The following PDE4D variants were observed in gnomAD, a reference collection of about 807,000 sequenced individuals.
The protein encoded by PDE4D is phosphodiesterase 4D.
A neutral mutation model predicts 87.4 loss-of-function variants in PDE4D; 24 were observed. The ratio of observed to expected loss-of-function variants is 0.27; its 90% confidence interval spans 0.20 to 0.39. The LOEUF (loss-of-function observed/expected upper bound fraction) is 0.39. Ranked by LOEUF, PDE4D falls within the 10% of genes least tolerant of loss-of-function variation. PDE4D has a pLI of 1.00. For missense variants in PDE4D, 714 were observed against 1,041.0 expected, an observed-to-expected ratio of 0.69 and a Z score of 4.32; for synonymous variants, 384 against 383.2, an observed-to-expected ratio of 1.00 and a Z score of -0.02.
intron 1 of PDE4D, among the ~76,000 whole-genome samples, chr5:59,752,479 G>A (rs1760614502): frequency 6.6e-6 from 1 of 152,116 alleles, no homozygotes; most frequent in South Asian, 2.1e-4. Context: ...GAACCTCTTT[G>A]TATATCACAA....
intron 1 of PDE4D, among the ~76,000 whole-genome samples, chr5:60,256,389 C>A (rs1281319894): frequency 2.6e-5 from 4 of 151,752 alleles, no homozygotes; most frequent in African/African-American, 9.7e-5. Context: ...GATTAAGGGA[C>A]AAACAAAAAA....
Position 59,356,961 on chromosome 5 carries a change from T to G in PDE4D, c.456-140993A>C, listed in dbSNP as rs1781480656. The G allele has an allele frequency of 6.8e-6, 9 of 1,326,774 alleles. No homozygotes were observed. The South Asian group carries it at 1.5e-4, about 22-fold the overall frequency. 82.2% of individuals were successfully genotyped at this position (1,326,774 alleles called of 1,614,324 possible). On this transcript the variant is annotated intron_variant, in intron 1 of 14. Transcript: ENST00000340635. ...AGGCACTTGTAGCTGAGTGAGGGCA[T>G]TTCCTTTGTGCAGTGGTATGCGCTG...
intron 6 of PDE4D, among the ~76,000 whole-genome samples, chr5:59,013,485 C>T (rs1186750520): frequency 6.6e-6 from 1 of 151,012 alleles, no homozygotes; most frequent in African/African-American, 2.4e-5. Context: ...ACCAATCCCC[C>T]AGAGATACAA....
intron 1 of PDE4D, among the ~76,000 whole-genome samples, chr5:60,201,592 G>A (rs983043467): frequency 1.3e-5 from 2 of 151,984 alleles, no homozygotes; most frequent in African/African-American, 2.4e-5. Flanking sequence ...GAGTAAATAG[G>A]ATCATGAGTC....
chr5:60,034,987 G>A lies in PDE4D; in HGVS notation c.43-46270C>T, dbSNP rs540438573. Among the ~76,000 whole-genome samples the A allele has an allele frequency of 2.6e-5, 4 of 152,294 alleles. No individual in the cohort carries two copies. In the South Asian group the frequency reaches 8.3e-4, roughly 32 times the overall value. On this transcript the variant is annotated intron_variant, in intron 2 of 16. Coordinates refer to the PDE4D transcript ENST00000502484. ...AAATGTGCATGCAGCAGGGTGCGGT[G>A]GCTCACACCTGTAATCCCAGCACTT...
chr5:59,037,931 T>C (rs554509375), intron 6 of PDE4D, among the ~76,000 whole-genome samples: 1 of 152,146 alleles, frequency 6.6e-6, no homozygotes, highest in East Asian at 1.9e-4. Context: ...TGGCCAAAAA[T>C]ACTTAAATAT....
intron 1 of PDE4D, among the ~76,000 whole-genome samples, chr5:59,553,903 T>C (rs1818493108): frequency 6.6e-6 from 1 of 152,202 alleles, no homozygotes; most frequent in Admixed American, 6.6e-5. Context: ...CTCTCCGTCA[T>C]TAACCAGGAG....
chr5:60,046,457 G>A (rs1209299196), intron 2 of PDE4D, among the ~76,000 whole-genome samples: 1 of 152,160 alleles, frequency 6.6e-6, no homozygotes, highest in African/African-American at 2.4e-5. Flanking sequence ...TTTTCAAAGG[G>A]AATGCTTCCA....
chr5:59,852,486 A>G (rs1360353748), intron 1 of PDE4D, among the ~76,000 whole-genome samples: 1 of 152,034 alleles, frequency 6.6e-6, no homozygotes, highest in East Asian at 1.9e-4. Flanking sequence ...TCTCCCCCCA[A>G]CAGCAGGCAC....
chr5:59,024,390 G>A (rs1755829293), intron 6 of PDE4D, among the ~76,000 whole-genome samples: 1 of 151,188 alleles, frequency 6.6e-6, no homozygotes, highest in Admixed American at 6.6e-5. Flanking sequence ...AGGAGAGACG[G>A]GATTTCACCA....
intron 1 of PDE4D, among the ~76,000 whole-genome samples, chr5:59,498,119 A>G (rs1807558723): frequency 6.6e-6 from 1 of 151,890 alleles, no homozygotes; most frequent in Non-Finnish European, 1.5e-5. Flanking sequence ...CAGATAAGCA[A>G]TTGCTAAAAG....
chr5:59,410,840 T>C (rs1361544458), intron 1 of PDE4D, among the ~76,000 whole-genome samples: 1 of 152,200 alleles, frequency 6.6e-6, no homozygotes, highest in Non-Finnish European at 1.5e-5. Flanking sequence ...ACAATTTTTA[T>C]AGAAAAACAA....
chr5:59,044,408 T>G (rs996646781), intron 5 of PDE4D, among the ~76,000 whole-genome samples: 4 of 152,244 alleles, frequency 2.6e-5, no homozygotes, highest in Non-Finnish European at 5.9e-5. Context: ...CCAGCTTCTC[T>G]TCTCTTAATT....
intron 1 of PDE4D, among the ~76,000 whole-genome samples, chr5:60,332,082 T>C (rs920686570): frequency 1.3e-5 from 2 of 152,218 alleles, no homozygotes; most frequent in African/African-American, 4.8e-5. Context: ...TTTAAATAAC[T>C]CTTCCAGCTA....
At chr5:59,165,943 C>T (rs1056531412) in intron 5 of PDE4D, among the ~76,000 whole-genome samples, 2 of 152,100 alleles carry the variant, frequency 1.3e-5, no homozygotes, top group African/African-American at 4.8e-5. Flanking sequence ...TGCCATGAGA[C>T]TTTCCCCTTG....
At chr5:59,744,651 G>A (rs1334092365) in intron 1 of PDE4D, among the ~76,000 whole-genome samples, 1 of 152,118 alleles carries the variant, frequency 6.6e-6, no homozygotes, top group Non-Finnish European at 1.5e-5. Context: ...ATGTGTCATT[G>A]AGAATCCTGC....
At chr5:60,435,152 A>AT (rs1021533488) in intron 1 of PDE4D, among the ~76,000 whole-genome samples, 14 of 152,216 alleles carry the variant, frequency 9.2e-5, no homozygotes, top group African/African-American at 3.4e-4. Flanking sequence ...TTGAAAAACT[A>AT]TCTAAGAATA....
At chr5:60,259,078 C>T (rs1308869772) in intron 1 of PDE4D, among the ~76,000 whole-genome samples, 3 of 151,942 alleles carry the variant, frequency 2.0e-5, no homozygotes, top group Non-Finnish European at 4.4e-5. Flanking sequence ...TCTTCAGATG[C>T]TAAATTGGAA....
At position 59,893,172 on chromosome 5, in the gene PDE4D, T is replaced by C; in HGVS notation, c.451A>G (p.Arg151Gly). Residue 151 changes from arginine to glycine, a missense_variant, in exon 1 of 15, where the codon AGG becomes GGG. Arg to Gly is a moderately radical substitution (Grantham distance 125). Coordinates refer to ENST00000340635, the MANE Select transcript of PDE4D (RefSeq NM_001104631.2). ...GAGGGGGCGCTCTCCACTCACCGCCTGAGTCCCTGGAACGAGGAGGGCCAG... is the reference window on the plus strand; with the variant it reads ...GAGGGGGCGCTCTCCACTCACCGCCCGAGTCCCTGGAACGAGGAGGGCCAG... ...MSWPSSFQGL[R>G]RFDVDNGTSA... 1 of 1,558,720 alleles carries C rather than the reference T, an allele frequency of 6.4e-7. No individual in the cohort carries two copies.
Sources: allele counts gnomAD v4.1 joint callset (sites outside exome capture counted in the v4.1 genomes callset), GRCh38; gene constraint gnomAD v4.1.1; transcripts MANE v1.5; gene names NCBI Gene and HGNC (gene_info 2026-07-23, HGNC 2026-07-21).